The following ACAT2 variants were observed in gnomAD, a reference collection of about 807,000 sequenced individuals.
ACAT2 encodes acetyl-CoA acetyltransferase, cytosolic.
A neutral mutation model predicts 37.1 loss-of-function variants in ACAT2; 26 were observed. That is an observed-to-expected ratio of 0.70 (90% CI 0.51 to 0.97). The LOEUF (loss-of-function observed/expected upper bound fraction) is 0.97, where lower values mean the gene tolerates loss of function less well. Among genes scored for constraint, ACAT2 ranks in the 50% least tolerant of loss-of-function variants. The pLI is 0.00. For missense variants in ACAT2, 468 were observed against 489.0 expected (o/e 0.96, Z 0.40); for synonymous variants, 156 against 163.6 (o/e 0.95, Z 0.35).
intron 2 of ACAT2, 71 bp downstream of exon 2, chr6:159,763,124 A>ACACT (rs991482488): frequency 7.7e-5 from 112 of 1,460,568 alleles, no homozygotes; most frequent in Non-Finnish European, 9.6e-5. Context: ...ACACACACAC[A>ACACT]CTCTCACACA....
chr6:159,772,683 A>C (rs1248433222), intron 4 of ACAT2, among the ~76,000 whole-genome samples: 2 of 152,096 alleles, frequency 1.3e-5, no homozygotes. Context: ...CCCAGCTACT[A>C]GGGAGGCTGT....
intron 4 of ACAT2, among the ~76,000 whole-genome samples, chr6:159,772,671 G>C (rs116411255): frequency 0.011 from 1,690 of 152,190 alleles, 19 homozygotes; most frequent in Middle Eastern, 0.075. Flanking sequence ...GGTGCCTATA[G>C]TCCCAGCTAC....
chr6:159,779,022 TTATAAA>T lies in ACAT2; in HGVS notation c.*196_*201del, dbSNP rs758491365. The T allele has an allele frequency of 2.5e-6, 4 of 1,604,214 alleles. No homozygotes were observed. Among genetic ancestry groups the T allele is most frequent in the Middle Eastern group, 1.7e-4 (1 of 6,020 alleles). ...TACAAGACAATTGCATTTAACATTG[TTATAAA>T]TAAAAGGAACATCAGATCAATCATT... On this transcript the variant is annotated 3_prime_UTR_variant, in exon 9 of 9. Coordinates refer to ENST00000367048, the MANE Select transcript of ACAT2 (RefSeq NM_005891.3).
intron 6 of ACAT2, among the ~76,000 whole-genome samples, 181 bp from the exon 7 acceptor site, chr6:159,777,121 G>T (rs542404815): frequency 2.0e-5 from 3 of 152,202 alleles, no homozygotes; most frequent in Non-Finnish European, 1.5e-5. Flanking sequence ...TCTCTAGTTG[G>T]AAAGTTTTGT....
chr6:159,766,897 G>T, intron 2 of ACAT2, 108 bp from the exon 3 acceptor site: 1 of 1,360,970 alleles, frequency 7.3e-7, no homozygotes. Flanking sequence ...TGACCTGTAG[G>T]CTTTCAGAAG....
In ACAT2 at chr6:159,765,557, G is replaced by A. The variant is rs561557920; in HGVS notation, c.191-1448G>A. On this transcript the variant is annotated intron_variant, in intron 2 of 8. Coordinates refer to ENST00000367048, the MANE Select transcript of ACAT2 (RefSeq NM_005891.3). ...CAATTCTCCTGCCTCAACCTCCTGA[G>A]TAGCTGGGATTACAGGCGTGCACCA... 5.3e-5 allele frequency among the ~76,000 whole-genome samples: 8 copies of A among 152,092 alleles called. No homozygotes were observed. In the East Asian group the frequency reaches 1.5e-3, roughly 29 times the overall value.
chr6:159,772,313 T>C (rs1258767084), intron 4 of ACAT2, among the ~76,000 whole-genome samples: 1 of 152,126 alleles, frequency 6.6e-6, no homozygotes, highest in East Asian at 1.9e-4. Flanking sequence ...AGTCAGAAAA[T>C]AGCACTTACA....
intron 8 of ACAT2, 53 bp downstream of exon 8, chr6:159,778,333 T>A (rs1207291859): frequency 7.7e-7 from 1 of 1,306,968 alleles, no homozygotes; most frequent in Non-Finnish European, 1.1e-6. Flanking sequence ...CACAATCCAA[T>A]TTTAAGATAG....
intron 5 of ACAT2, 148 bp downstream of exon 5, chr6:159,775,461 G>C: frequency 1.1e-6 from 1 of 930,890 alleles, no homozygotes; most frequent in South Asian, 1.8e-5. Context: ...AATGTGGGGA[G>C]GGGGTATGCT....
chr6:159,767,216 C>G, intron 3 of ACAT2, 30 bp downstream of exon 3: 1 of 1,610,318 alleles, frequency 6.2e-7, no homozygotes. Flanking sequence ...GTGGCTTTCA[C>G]TGACCTCACA....
At chr6:159,771,493 GA>G (rs1562478046) in intron 4 of ACAT2, among the ~76,000 whole-genome samples, 1 of 151,984 alleles carries the variant, frequency 6.6e-6, no homozygotes, top group Non-Finnish European at 1.5e-5. Context: ...GAATGGGGCA[GA>G]AAAAAACTGA....
intron 1 of ACAT2, 148 bp downstream of exon 1, chr6:159,762,290 G>C (rs966348745): frequency 3.2e-6 from 4 of 1,251,022 alleles, no homozygotes; most frequent in Non-Finnish European, 1.1e-6. Flanking sequence ...CTGGAACCCT[G>C]CGGCTCCCGC....
At chr6:159,770,222 T>C (rs1780314539) in intron 4 of ACAT2, among the ~76,000 whole-genome samples, 1 of 152,324 alleles carries the variant, frequency 6.6e-6, no homozygotes, top group South Asian at 2.1e-4. Flanking sequence ...TCCAGTTATG[T>C]AGCAACTATA....
chr6:159,776,743 A>T (rs58668302), intron 6 of ACAT2, among the ~76,000 whole-genome samples: 3 of 152,122 alleles, frequency 2.0e-5, no homozygotes, highest in Admixed American at 1.3e-4. Context: ...GCCCAGGCTT[A>T]TTCTTCCATT....
At chr6:159,769,615 T>G (rs1361105940) in intron 4 of ACAT2, among the ~76,000 whole-genome samples, 1 of 152,216 alleles carries the variant, frequency 6.6e-6, no homozygotes, top group Non-Finnish European at 1.5e-5. Flanking sequence ...AAGCCACTGT[T>G]TTATGTATGT....
chr6:159,770,151 A>G (rs559371348), intron 4 of ACAT2, among the ~76,000 whole-genome samples: 21 of 152,358 alleles, frequency 1.4e-4, no homozygotes, highest in Admixed American at 1.2e-3. Context: ...ATTTGCCAGT[A>G]TTTTGACTGC....
chr6:159,771,759 G>A (rs1297878294), intron 4 of ACAT2, among the ~76,000 whole-genome samples: 1 of 152,098 alleles, frequency 6.6e-6, no homozygotes, highest in East Asian at 1.9e-4. Flanking sequence ...AGGCATGGTG[G>A]TATGTGCCTG....
At chr6:159,764,504 A>G (rs893250849) in intron 2 of ACAT2, among the ~76,000 whole-genome samples, 1 of 152,062 alleles carries the variant, frequency 6.6e-6, no homozygotes, top group South Asian at 2.1e-4. Context: ...CAGTGGTGTA[A>G]TCAATCGTAG....
rs1013347103 is a variant in ACAT2, at chr6:159,762,284, A to T, written c.55+142A>T. On this transcript the variant is annotated intron_variant, in intron 1 of 8. Coordinates refer to ENST00000367048, the MANE Select transcript of ACAT2 (RefSeq NM_005891.3). ...CCGCGAGGAGCCGCGGGATCCCTGG[A>T]ACCCTGCGGCTCCCGCGTTCCCTGA... 5.5e-6 allele frequency: 7 copies of T among 1,265,290 alleles called. No individual in the cohort carries two copies. In the African/African-American group the frequency reaches 1.1e-4, roughly 19 times the overall value. 78.4% of individuals were successfully genotyped at this position (1,265,290 alleles called of 1,614,324 possible).
Sources: gnomAD v4.1 joint callset for allele counts (sites outside exome capture counted in the v4.1 genomes callset) on GRCh38, gnomAD v4.1.1 for gene constraint, MANE v1.5 for transcripts, NCBI Gene and HGNC (gene_info 2026-07-23, HGNC 2026-07-21) for gene names.